Variants in SYNRG observed in about 807,000 individuals in gnomAD.
SYNRG encodes AP1 gamma subunit binding protein 1.
A neutral mutation model predicts 130.9 loss-of-function variants in SYNRG; 37 were observed. The observed-to-expected ratio is 0.28, with a 90% CI of 0.22 to 0.37. SYNRG has a LOEUF of 0.37. Ranked by LOEUF, SYNRG falls within the 10% of genes least tolerant of loss-of-function variation. SYNRG has a pLI of 1.00. For synonymous variants in SYNRG, 539 were observed against 568.1 expected, an observed-to-expected ratio of 0.95 and a Z score of 0.73; for missense variants, 1,338 against 1,588.9, an observed-to-expected ratio of 0.84 and a Z score of 2.68.
intron 17 of SYNRG, 70 bp from the exon 18 acceptor site, chr17:37,538,490 A>G (rs2144722579): frequency 8.7e-7 from 1 of 1,147,014 alleles, no homozygotes; most frequent in African/African-American, 1.6e-5. Flanking sequence ...TACTATTAGT[A>G]GAAAACCCAA....
chr17:37,570,753 C>T lies in SYNRG; in HGVS notation c.1231G>A (p.Gly411Ser). 2 of 1,614,190 alleles carry T rather than the reference C, an allele frequency of 1.2e-6. No individual in the cohort carries two copies. Among genetic ancestry groups the T allele is most frequent in the Non-Finnish European group, 1.7e-6 (2 of 1,180,044 alleles). The change falls in exon 10 of 22, where the codon GGC (glycine) becomes AGC (serine). Residue 411 changes from glycine (G) to serine (S), a missense_variant. This residue lies in a region of SYNRG where 1,146 missense variants were observed against 1,342.3 expected (regional missense o/e 0.85). Coordinates refer to ENST00000612223, the MANE Select transcript of SYNRG (RefSeq NM_007247.6). ...TGTCCAAGGCTGAGGGGCATGGAGC[C>T]CGCAGGACCTGAAGGTATCACAGTT... ...QPTVIPSGPA[G>S]SMPLSLGQPV...
In SYNRG at chr17:37,520,479, T is replaced by C. The variant is rs1170903093; in HGVS notation, c.3777+59A>G. The stretch of plus-strand genomic sequence containing the variant: ...CTGCAGTAAAGTGGGCCAGATGAGG[T>C]TGTCCAGAGTCATGTTAGGGAAGCC... On this transcript the variant is annotated intron_variant, in intron 20 of 21. Coordinates refer to ENST00000612223, the MANE Select transcript of SYNRG (RefSeq NM_007247.6). 6.6e-6 allele frequency: 10 copies of C among 1,509,056 alleles called. No homozygotes were observed. In the African/African-American group the frequency reaches 1.1e-4, roughly 17 times the overall value. 93.5% of individuals were successfully genotyped at this position (1,509,056 alleles called of 1,614,324 possible). A position where few individuals can be genotyped will look rare whatever the true frequency, so the allele number is the denominator to read the frequency against.
rs543413785 is a variant in SYNRG at position 37,547,588 on chromosome 17, G to C, written c.2609-5023C>G. On this transcript the variant is annotated intron_variant, in intron 14 of 21. Coordinates refer to ENST00000612223, the MANE Select transcript of SYNRG (RefSeq NM_007247.6). ...AGCAATTCTCGTGCCTCAGCCCCCC[G>C]AGTAGCTGGGATTACAGGCACGAGC... Among the ~76,000 whole-genome samples the C allele has an allele frequency of 3.2e-4, 48 of 151,638 alleles. 2 individuals carry two copies. The South Asian group carries it at 5.6e-3, about 18-fold the overall frequency.
intron 15 of SYNRG, chr17:37,541,552 T>C (rs567000892): frequency 5.7e-6 from 1 of 175,736 alleles, no homozygotes; most frequent in Admixed American, 5.8e-5. Context: ...AAAAATCTTT[T>C]GTGTGGGTCA....
At chr17:37,581,803 C>A (rs2061364200) in intron 6 of SYNRG, among the ~76,000 whole-genome samples, 1 of 142,542 alleles carries the variant, frequency 7.0e-6, no homozygotes, top group Non-Finnish European at 1.5e-5. Context: ...CTGGCTCTGT[C>A]GCCCAGGCTG....
chr17:37,573,429 A>G lies in SYNRG; in HGVS notation c.902-1442T>C, dbSNP rs546867703. Among the ~76,000 whole-genome samples, 4 of 152,234 alleles carry G rather than the reference A, an allele frequency of 2.6e-5. No homozygotes were observed. The East Asian group carries it at 7.7e-4, about 29-fold the overall frequency. On this transcript the variant is annotated intron_variant, in intron 8 of 21. Transcript: ENST00000612223. ...AACAAACAAACAAACAAAAAAAACC[A>G]TATTTTGACTAGAAAGTATACATGC...
intron 4 of SYNRG, 37 bp downstream of exon 4, chr17:37,586,382 G>C: frequency 1.2e-6 from 2 of 1,611,796 alleles, no homozygotes; most frequent in Non-Finnish European, 1.7e-6. Context: ...ATGCTATAAT[G>C]TATCTTTGTT....
chr17:37,606,506 T>G (rs2147190055), intron 1 of SYNRG, among the ~76,000 whole-genome samples: 1 of 152,356 alleles, frequency 6.6e-6, no homozygotes, highest in South Asian at 2.1e-4. Flanking sequence ...CACAGTTATT[T>G]TGTACATTCT....
intron 8 of SYNRG, among the ~76,000 whole-genome samples, chr17:37,574,762 G>A (rs1159361631): frequency 6.6e-6 from 1 of 152,086 alleles, no homozygotes; most frequent in Non-Finnish European, 1.5e-5. Context: ...ACGAATGCTG[G>A]TGAGGATGTG....
chr17:37,520,321 G>A (rs531192494), intron 20 of SYNRG, 107 bp from the exon 21 acceptor site: 3 of 1,440,680 alleles, frequency 2.1e-6, no homozygotes, highest in African/African-American at 1.4e-5. Flanking sequence ...TCCCCACTAT[G>A]CACAGGGTGC....
Position 37,585,342 on chromosome 17 carries a change from T to C in SYNRG, c.460A>G (p.Ser154Gly), listed in dbSNP as rs187144818. 35 of 1,613,930 alleles carry C rather than the reference T, an allele frequency of 2.2e-5. No individual in the cohort carries two copies. The Admixed American group carries it at 5.8e-4, about 27-fold the overall frequency. Residue 154 changes from serine to glycine, a missense_variant, in exon 5 of 22, where the codon AGC becomes GGC. Physicochemically the swap from Ser to Gly is moderately conservative, Grantham distance 56. This residue lies in a region of SYNRG where 184 missense variants were observed against 217.2 expected (regional missense o/e 0.85). Coordinates refer to ENST00000612223, the MANE Select transcript of SYNRG (RefSeq NM_007247.6). ...EEQKQKLRLL[S>G]SVKPKTGEKS... ...AATACTACCTTGGGTTTCACACTGC[T>C]CAAAAGTCTGAGCTTTTGCTTCTGC...
chr17:37,522,156 C>CACACACACA (rs1002250003), intron 19 of SYNRG, among the ~76,000 whole-genome samples: 7 of 151,758 alleles, frequency 4.6e-5, no homozygotes, highest in Non-Finnish European at 7.4e-5. Context: ...CACACACACA[C>CACACACACA]AATGGTTAAA....
chr17:37,519,219 G>T, intron 21 of SYNRG, 148 bp from the exon 22 acceptor site: 1 of 1,077,320 alleles, frequency 9.3e-7, no homozygotes, highest in Non-Finnish European at 1.3e-6. Context: ...GATAGCTACA[G>T]GAATTCAAGA....
At position 37,596,230 on chromosome 17, in the gene SYNRG, G is replaced by T; in HGVS notation, c.233C>A (p.Ala78Asp). ...AACTAAAGAAGCAAGTACCTGCATA[G>T]CAATAGGTCCTTGGGACATCTGAGA... ...YSSQMSQGPI[A>D]MQAGIPMGPM... Residue 78 changes from alanine (A) to aspartate (D), a missense_variant, in exon 3 of 22, where the codon GCT (alanine) becomes GAT (aspartate). Physicochemically the swap from Ala to Asp is moderately radical, Grantham distance 126. Transcript: ENST00000612223. 6.2e-7 allele frequency: 1 copy of T among 1,613,856 alleles called. No individual in the cohort carries two copies. The highest frequency in any genetic ancestry group is 8.5e-7 in the Non-Finnish European group (1 of 1,179,802).
chr17:37,592,399 A>G (rs930363287), intron 3 of SYNRG, among the ~76,000 whole-genome samples: 1 of 152,186 alleles, frequency 6.6e-6, no homozygotes, highest in Non-Finnish European at 1.5e-5. Flanking sequence ...ATCTTAAAAA[A>G]CTGAAAATGC....
chr17:37,590,085 T>C (rs1312457989), intron 3 of SYNRG, among the ~76,000 whole-genome samples: 1 of 150,422 alleles, frequency 6.6e-6, no homozygotes, highest in African/African-American at 2.4e-5. Flanking sequence ...GCAGGTGAAT[T>C]ACTTGAGCCC....
At chr17:37,528,219 G>A (rs2056187565) in intron 19 of SYNRG, among the ~76,000 whole-genome samples, 1 of 152,058 alleles carries the variant, frequency 6.6e-6, no homozygotes, top group Non-Finnish European at 1.5e-5. Context: ...GATGGCCTCT[G>A]CACTTCTTGG....
chr17:37,595,837 C>G (rs1432069304), intron 3 of SYNRG, among the ~76,000 whole-genome samples: 1 of 151,652 alleles, frequency 6.6e-6, no homozygotes, highest in African/African-American at 2.4e-5. Flanking sequence ...TCACTGCAAC[C>G]TCCACCTCTC....
At chr17:37,525,269 T>TA (rs1237627777) in intron 19 of SYNRG, among the ~76,000 whole-genome samples, 2 of 152,104 alleles carry the variant, frequency 1.3e-5, no homozygotes, top group Non-Finnish European at 2.9e-5. Context: ...AGTTAAGATT[T>TA]AAAAAAATAT....
Sources: allele counts gnomAD v4.1 joint callset (sites outside exome capture counted in the v4.1 genomes callset), GRCh38; gene constraint gnomAD v4.1.1; regional missense constraint gnomAD v4.1.1; transcripts MANE v1.5; gene names NCBI Gene and HGNC (gene_info 2026-07-23, HGNC 2026-07-21).